Variants in ADAMTS2 observed in about 807,000 individuals in gnomAD.
The protein encoded by ADAMTS2 is A disintegrin and metalloproteinase with thrombospondin motifs 2.
In ADAMTS2, 50 loss-of-function variants were observed where a neutral mutation model predicts 123.0. That is an observed-to-expected ratio of 0.41 (90% CI 0.32 to 0.51). The LOEUF (loss-of-function observed/expected upper bound fraction) is 0.51. ADAMTS2 is among the 20% of genes least tolerant of loss of function. ADAMTS2 has a pLI of 0.35. For synonymous variants in ADAMTS2, 678 were observed against 695.4 expected, an observed-to-expected ratio of 0.98 and a Z score of 0.39; for missense variants, 1,494 against 1,705.2, an observed-to-expected ratio of 0.88 and a Z score of 2.18.
At chr5:179,121,513 G>T in intron 21 of ADAMTS2, 148 bp downstream of exon 21, 1 of 570,438 alleles carries the variant, frequency 1.8e-6, no homozygotes, top group Non-Finnish European at 2.9e-6. Flanking sequence ...CGAGCTCAGA[G>T]GCCCGGGAGA....
At chr5:179,173,128 C>A (rs529300103) in intron 5 of ADAMTS2, among the ~76,000 whole-genome samples, 65 of 151,600 alleles carry the variant, frequency 4.3e-4, no homozygotes, top group African/African-American at 1.4e-3. Flanking sequence ...GAGAGGATCC[C>A]TTGAGCCCAA....
chr5:179,207,497 C>T lies in ADAMTS2; in HGVS notation c.891+16G>A. On this transcript the variant is annotated intron_variant, in intron 4 of 21. Transcript: ENST00000251582. The stretch of plus-strand genomic sequence containing the variant: ...CCCTCCCCGCCCCACCCTGCCCCCT[C>T]AGCCACCCCACTCACAATGTTCATG... The T allele has an allele frequency of 6.6e-7, 1 of 1,511,490 alleles. No individual in the cohort carries two copies. Among genetic ancestry groups the T allele is most frequent in the Non-Finnish European group, 9.1e-7 (1 of 1,099,316 alleles). 93.6% of individuals were successfully genotyped at this position (1,511,490 alleles called of 1,614,324 possible).
intron 11 of ADAMTS2, among the ~76,000 whole-genome samples, chr5:179,138,779 T>G (rs1002310279): frequency 6.6e-6 from 1 of 152,124 alleles, no homozygotes; most frequent in East Asian, 1.9e-4. Context: ...CGCGGAGCCG[T>G]GACTGCGGGT....
At chr5:179,173,517 C>G (rs1763868520) in intron 5 of ADAMTS2, among the ~76,000 whole-genome samples, 1 of 152,198 alleles carries the variant, frequency 6.6e-6, no homozygotes, top group South Asian at 2.1e-4. Flanking sequence ...GCCTAATACT[C>G]TACCACATAG....
chr5:179,199,908 AG>A (rs1481196435), intron 4 of ADAMTS2, among the ~76,000 whole-genome samples: 3 of 152,258 alleles, frequency 2.0e-5, no homozygotes, highest in Admixed American at 2.0e-4. Context: ...TAATAATTCA[AG>A]GTTCCAATTT....
At chr5:179,216,242 C>T (rs1369192472) in intron 3 of ADAMTS2, among the ~76,000 whole-genome samples, 2 of 152,184 alleles carry the variant, frequency 1.3e-5, no homozygotes, top group African/African-American at 2.4e-5. Flanking sequence ...CAGCGTGACC[C>T]ACGGGGTGAA....
chr5:179,239,891 G>A (rs138146142), intron 3 of ADAMTS2, among the ~76,000 whole-genome samples: 125 of 152,288 alleles, frequency 8.2e-4, no homozygotes, highest in African/African-American at 2.8e-3. Context: ...AGCCTGCCAC[G>A]TGCTAGGGAT....
At chr5:179,173,203 C>A (rs972533810) in intron 5 of ADAMTS2, among the ~76,000 whole-genome samples, 3 of 140,824 alleles carry the variant, frequency 2.1e-5, no homozygotes, top group African/African-American at 9.0e-5. Flanking sequence ...CAGAGCTAGA[C>A]CCCATCTCTT....
intron 3 of ADAMTS2, among the ~76,000 whole-genome samples, chr5:179,255,116 A>G (rs964369130): frequency 1.3e-5 from 2 of 152,148 alleles, no homozygotes; most frequent in African/African-American, 4.8e-5. Flanking sequence ...TCAATGATGG[A>G]TGGATAGATG....
rs532459028 is a variant in ADAMTS2 at position 179,260,067 on chromosome 5, C to T, written c.688+12844G>A. On this transcript the variant is annotated intron_variant, in intron 3 of 21. Coordinates refer to ENST00000251582, the MANE Select transcript of ADAMTS2 (RefSeq NM_014244.5). This position sits in a 1 kb window ranked among gnomAD's most constrained non-coding sequence, Gnocchi z 4.2. ...CGGATGGGTCACAAGCCGGCGAAGT[C>T]AGTCCTGCTCAAGTGTGAGGAAGTG... Among the ~76,000 whole-genome samples, 43 of 152,294 alleles carry T rather than the reference C, an allele frequency of 2.8e-4. No homozygotes were observed. Among genetic ancestry groups the T allele is most frequent in the African/African-American group, 8.7e-4 (36 of 41,574 alleles).
intron 3 of ADAMTS2, among the ~76,000 whole-genome samples, chr5:179,268,305 C>A (rs982588651): frequency 2.0e-5 from 3 of 152,222 alleles, no homozygotes; most frequent in Non-Finnish European, 2.9e-5. Context: ...TTCTTGGTCT[C>A]CACGTTTCCA....
intron 3 of ADAMTS2, among the ~76,000 whole-genome samples, chr5:179,209,202 T>C (rs1191429951): frequency 6.6e-6 from 1 of 152,164 alleles, no homozygotes; most frequent in East Asian, 1.9e-4. Context: ...TCGGTGGACG[T>C]GGCCATTTCC....
intron 2 of ADAMTS2, among the ~76,000 whole-genome samples, chr5:179,327,760 C>T (rs369688419): frequency 1.1e-4 from 17 of 152,264 alleles, no homozygotes; most frequent in East Asian, 5.8e-4. Flanking sequence ...CCCTTAGAAG[C>T]GGGGCTAGAT....
chr5:179,137,728 T>G, intron 12 of ADAMTS2, 41 bp downstream of exon 12: 9 of 737,850 alleles, frequency 1.2e-5, no homozygotes, highest in African/African-American at 3.6e-5. Flanking sequence ...CCCTAGGGCC[T>G]GCCTGCTGAG....
chr5:179,124,536 C>T (rs572080830), intron 19 of ADAMTS2, among the ~76,000 whole-genome samples: 127 of 152,330 alleles, frequency 8.3e-4, no homozygotes, highest in Non-Finnish European at 1.4e-3. Context: ...TTCCAGACCC[C>T]GTATCATGCA....
chr5:179,341,262 C>T (rs1757762835), intron 2 of ADAMTS2: 2 of 299,768 alleles, frequency 6.7e-6, no homozygotes, highest in Non-Finnish European at 1.3e-5. Context: ...TGGCTGAGGC[C>T]TGTAATCCCA....
chr5:179,169,799 A>C (rs1763779743), intron 5 of ADAMTS2, among the ~76,000 whole-genome samples: 1 of 152,204 alleles, frequency 6.6e-6, no homozygotes, highest in African/African-American at 2.4e-5. Context: ...TAAGAGACTC[A>C]CATGCAGAAT....
intron 3 of ADAMTS2, among the ~76,000 whole-genome samples, chr5:179,266,463 C>T (rs72818699): frequency 0.043 from 6,490 of 152,224 alleles, 303 homozygotes; most frequent in East Asian, 0.2. Context: ...AGCCAAGGAA[C>T]GCCAACAGCC....
intron 19 of ADAMTS2, 142 bp from the exon 20 acceptor site, chr5:179,122,915 G>A (rs1288062231): frequency 3.7e-6 from 5 of 1,358,660 alleles, no homozygotes; most frequent in Admixed American, 2.0e-5. Context: ...GGGGTTTCAG[G>A]TTGCCTTGCC....
Sources: gnomAD v4.1 joint callset for allele counts (sites outside exome capture counted in the v4.1 genomes callset) on GRCh38, gnomAD v4.1.1 for gene constraint, Gnocchi (gnomAD v3.1) non-coding constraint, MANE v1.5 for transcripts, NCBI Gene and HGNC (gene_info 2026-07-23, HGNC 2026-07-21) for gene names.